The following LYPD5 variants were observed in gnomAD, a reference collection of about 807,000 sequenced individuals.
LYPD5 encodes ly6/PLAUR domain-containing protein 5.
In LYPD5, 21 loss-of-function variants were observed where a neutral mutation model predicts 19.1. The ratio of observed to expected loss-of-function variants is 1.10; its 90% CI spans 0.78 to 1.58. The LOEUF is 1.58. LYPD5 is among the 40% of genes most tolerant of loss of function. The probability of loss-of-function intolerance (pLI) is 0.00; values close to 1 mark genes in which losing one functional copy is unlikely to be tolerated. For missense variants in LYPD5, 287 were observed against 329.8 expected (o/e 0.87, Z 1.00); for synonymous variants, 128 against 142.7 (o/e 0.90, Z 0.74).
At chr19:43,799,441 T>C (rs349055) in intron 2 of LYPD5, among the ~76,000 whole-genome samples, 73,414 of 151,810 alleles carry the variant, frequency 0.48, 18,514 homozygotes, top group South Asian at 0.63. Context: ...GACGGGGTTT[T>C]GCCATGTTGG....
chr19:43,799,979 T>G (rs1346516906), intron 1 of LYPD5, 145 bp from the exon 2 acceptor site: 18 of 936,588 alleles, frequency 1.9e-5, no homozygotes, highest in Non-Finnish European at 2.3e-5. Flanking sequence ...GGTGCTGCTA[T>G]TGCAGCTGGT....
rs1970154400 is a variant in LYPD5 at position 43,797,799 on chromosome 19, G to A, written c.548C>T (p.Thr183Ile). The change falls in exon 5 of 5, where the codon ACC (threonine) becomes ATC (isoleucine). Residue 183 changes from threonine (T) to isoleucine (I), a missense_variant. Physicochemically the swap from Thr to Ile is moderately conservative, Grantham distance 89. Coordinates refer to ENST00000377950, the MANE Select transcript of LYPD5 (RefSeq NM_001031749.3). The stretch of plus-strand genomic sequence containing the variant: ...GGTGGTGCAGGAGGGCCGGTGGCAG[G>A]TTCTGATGTACACAGGGACTGAGAA... ...GNFSVPVYIR[T>I]CHRPSCTTEG... 6.2e-7 allele frequency: 1 copy of A among 1,613,864 alleles called. No homozygotes were observed.
intron 1 of LYPD5, 41 bp from the exon 2 acceptor site, chr19:43,799,875 A>G: frequency 6.4e-7 from 1 of 1,567,520 alleles, no homozygotes; most frequent in Non-Finnish European, 8.7e-7. Flanking sequence ...GGCCAGTGTG[A>G]GCCTGTCCCA....
At chr19:43,805,529 A>T (rs1304562938), upstream of LYPD5, among the ~76,000 whole-genome samples, 1 of 152,072 alleles carries the variant, frequency 6.6e-6, no homozygotes, top group Middle Eastern at 3.2e-3. Context: ...ATTTTTTGAG[A>T]CCGAGTCTCA....
chr19:43,813,554 G>T (rs1210357097), intron 1 of LYPD5, among the ~76,000 whole-genome samples: 1 of 152,162 alleles, frequency 6.6e-6, no homozygotes, highest in Non-Finnish European at 1.5e-5. Flanking sequence ...TGCCACCATG[G>T]CCACTCTGTT....
At chr19:43,804,053 G>A (rs1036100232), upstream of LYPD5, among the ~76,000 whole-genome samples, 5 of 152,136 alleles carry the variant, frequency 3.3e-5, no homozygotes, top group Admixed American at 3.3e-4. Flanking sequence ...GGCCAGGCTG[G>A]TCTTGAATTC....
intron 1 of LYPD5, among the ~76,000 whole-genome samples, chr19:43,801,137 T>C (rs2146496116): frequency 6.6e-6 from 1 of 151,934 alleles, no homozygotes; most frequent in African/African-American, 2.4e-5. Context: ...GCAGGAGAAT[T>C]GCTTGAGCCA....
In LYPD5 at chr19:43,802,348, G is replaced by A. The variant is rs373450213; in HGVS notation, c.33C>T (p.Leu11=). The A allele has an allele frequency of 6.4e-7, 1 of 1,551,710 alleles. No homozygotes were observed. Among genetic ancestry groups the A allele is most frequent in the East Asian group, 2.4e-5 (1 of 40,924 alleles). ...GGCAGAGCGCAGCCCCAAAGAGGCAGAGCAGAATGACTCTGGGGACCCCCA... is the reference window on the plus strand; with the variant it reads ...GGCAGAGCGCAGCCCCAAAGAGGCAAAGCAGAATGACTCTGGGGACCCCCA... The part of the protein sequence containing the change: MAMGVPRVIL[L]CLFGAALCLT... Residue 11 remains leucine (L), a synonymous_variant, in exon 1 of 5, where the codon CTC becomes CTT. Coordinates refer to ENST00000377950, the MANE Select transcript of LYPD5 (RefSeq NM_001031749.3).
Position 43,798,998 on chromosome 19 carries a change from G to A in LYPD5, c.194-10C>T, listed in dbSNP as rs1162188811. On this transcript the variant is annotated splice_polypyrimidine_tract_variant and intron_variant, in intron 2 of 4. Transcript: ENST00000377950. Reference sequence around the variant, plus strand: ...ACCGGCGCGCGATACCCTGGGGGCGGGATCGGGGCTCGTGCTCTGCTTCCC... The same window carrying A: ...ACCGGCGCGCGATACCCTGGGGGCGAGATCGGGGCTCGTGCTCTGCTTCCC... 4.5e-6 allele frequency: 7 copies of A among 1,557,216 alleles called. No individual in the cohort carries two copies. The highest frequency in any genetic ancestry group is 2.4e-5 in the East Asian group (1 of 42,494).
chr19:43,804,834 G>A (rs941550871), upstream of LYPD5, among the ~76,000 whole-genome samples: 5 of 152,202 alleles, frequency 3.3e-5, no homozygotes, highest in African/African-American at 7.2e-5. Context: ...TGAAGCCCCC[G>A]TGGAAGGTGG....
chr19:43,807,574 G>A (rs893195491), intron 1 of LYPD5, among the ~76,000 whole-genome samples: 5 of 152,116 alleles, frequency 3.3e-5, no homozygotes, highest in Non-Finnish European at 5.9e-5. Flanking sequence ...GAGCCACCGC[G>A]CCTGGCCCAC....
chr19:43,797,660 G>T lies in LYPD5; in HGVS notation c.687C>A (p.Thr229=), dbSNP rs777198586. 8 of 1,613,666 alleles carry T rather than the reference G, an allele frequency of 5.0e-6. No individual in the cohort carries two copies. The African/African-American group carries it at 9.4e-5, about 19-fold the overall frequency. ...TQPFTSASAT[T]PPRALQVLAL... is the part of the protein sequence containing the mutation. Reference sequence around the variant, plus strand: ...CCAGGACCTGTAGTGCTCGGGGAGGGGTGGTGGCTGAAGCACTGGTGAAGG... The same window carrying T: ...CCAGGACCTGTAGTGCTCGGGGAGGTGTGGTGGCTGAAGCACTGGTGAAGG... The change falls in exon 5 of 5, where the codon ACC becomes ACA. Residue 229 remains threonine, a synonymous_variant. Coordinates refer to ENST00000377950, the MANE Select transcript of LYPD5 (RefSeq NM_001031749.3).
At chr19:43,807,287 C>CTTT (rs71903986), upstream of LYPD5, among the ~76,000 whole-genome samples, 4 of 117,014 alleles carry the variant, frequency 3.4e-5, no homozygotes, top group African/African-American at 1.1e-4. Flanking sequence ...TTTTCTTTTT[C>CTTT]TTTTTTTTTT....
intron 1 of LYPD5, among the ~76,000 whole-genome samples, chr19:43,817,101 C>G (rs111231632): frequency 2.0e-5 from 3 of 152,144 alleles, no homozygotes; most frequent in African/African-American, 7.2e-5. Context: ...CTTGAAATTA[C>G]GAATATTATT....
At chr19:43,800,904 T>C (rs1395404846) in intron 1 of LYPD5, among the ~76,000 whole-genome samples, 1 of 149,624 alleles carries the variant, frequency 6.7e-6, no homozygotes, top group Non-Finnish European at 1.5e-5. Flanking sequence ...GAGGTTGCAG[T>C]GAGCTGTGAT....
At chr19:43,806,899 G>A (rs1277953778), upstream of LYPD5, among the ~76,000 whole-genome samples, 3 of 152,174 alleles carry the variant, frequency 2.0e-5, no homozygotes, top group African/African-American at 4.8e-5. Flanking sequence ...GTTGAGGACC[G>A]CTGCTCTAGA....
At chr19:43,799,012 G>A in intron 2 of LYPD5, 24 bp from the exon 3 acceptor site, 1 of 1,540,706 alleles carries the variant, frequency 6.5e-7, no homozygotes, top group Non-Finnish European at 8.8e-7. Context: ...CGGGGCTCGT[G>A]CTCTGCTTCC....
intron 4 of LYPD5, among the ~76,000 whole-genome samples, chr19:43,798,232 T>C (rs1342660983): frequency 7.2e-6 from 1 of 138,274 alleles, no homozygotes; most frequent in Non-Finnish European, 1.6e-5. Context: ...CAGACCAGGG[T>C]CATGCCTCCT....
chr19:43,820,057 T>C (rs1970406585), intron 1 of LYPD5, among the ~76,000 whole-genome samples: 1 of 151,046 alleles, frequency 6.6e-6, no homozygotes, highest in African/African-American at 2.4e-5. Context: ...ACTCCAGCTG[T>C]CACTCTACAC....
Sources: allele counts gnomAD v4.1 joint callset (sites outside exome capture counted in the v4.1 genomes callset), GRCh38; gene constraint gnomAD v4.1.1; transcripts MANE v1.5; gene names NCBI Gene and HGNC (gene_info 2026-07-23, HGNC 2026-07-21).